GPC6: variants seen among roughly 807,000 people sequenced by gnomAD.
GPC6 encodes glypican 6, also known as glypican-6.
A neutral mutation model predicts 55.2 loss-of-function variants in GPC6; 14 were observed. The ratio of observed to expected loss-of-function variants is 0.25; its 90% CI spans 0.17 to 0.40. The LOEUF is 0.40. Among genes scored for constraint, GPC6 ranks in the 10% least tolerant of loss-of-function variants. The probability of loss-of-function intolerance (pLI) is 1.00; values close to 1 mark genes in which losing one functional copy is unlikely to be tolerated. For missense variants in GPC6, 641 were observed against 708.5 expected (o/e 0.90, Z 1.08); for synonymous variants, 278 against 259.6 (o/e 1.07, Z -0.68).
chr13:93,898,616 T>C (rs1876154531), intron 3 of GPC6, among the ~76,000 whole-genome samples: 1 of 148,596 alleles, frequency 6.7e-6, no homozygotes, highest in Non-Finnish European at 1.5e-5. Context: ...ATATAATTTT[T>C]CCAAGTAACC....
intron 3 of GPC6, among the ~76,000 whole-genome samples, chr13:93,949,397 A>G (rs1879151646): frequency 1.3e-5 from 2 of 152,184 alleles, no homozygotes; most frequent in Non-Finnish European, 2.9e-5. Context: ...TGTGTGTTTA[A>G]TTATGGTTGA....
intron 3 of GPC6, among the ~76,000 whole-genome samples, chr13:93,912,676 G>A (rs1877065417): frequency 1.3e-5 from 2 of 152,282 alleles, no homozygotes; most frequent in South Asian, 4.1e-4. Flanking sequence ...CCAGGAGGCA[G>A]AGCTTGCAGT....
chr13:93,430,873 C>A (rs1877331371), intron 1 of GPC6, among the ~76,000 whole-genome samples: 1 of 152,046 alleles, frequency 6.6e-6, no homozygotes, highest in African/African-American at 2.4e-5. Context: ...TGACAGGAAG[C>A]AATTTTAAAC....
upstream of GPC6, among the ~76,000 whole-genome samples, chr13:93,223,083 A>T (rs1875664800): frequency 7.7e-6 from 1 of 129,056 alleles, no homozygotes; most frequent in Non-Finnish European, 1.6e-5. Context: ...TGGGTCTTAC[A>T]CCCACCCCTA....
chr13:93,744,120 A>T (rs1476619186), intron 2 of GPC6, among the ~76,000 whole-genome samples: 2 of 152,016 alleles, frequency 1.3e-5, no homozygotes, highest in Non-Finnish European at 2.9e-5. Context: ...GTTTTTGCCA[A>T]TGTGTTTGTC....
intron 2 of GPC6, among the ~76,000 whole-genome samples, chr13:93,669,983 T>A (rs1881295273): frequency 1.3e-5 from 2 of 152,212 alleles, no homozygotes; most frequent in South Asian, 4.1e-4. Flanking sequence ...GGGTTGTGGT[T>A]ACCTGATTTG....
At chr13:94,096,267 C>G (rs1301132712) in intron 4 of GPC6, among the ~76,000 whole-genome samples, 4 of 150,292 alleles carry the variant, frequency 2.7e-5, no homozygotes, top group African/African-American at 9.8e-5. Flanking sequence ...AGAGAAGGGA[C>G]TACATTACTG....
Position 93,265,574 on chromosome 13 carries a change from G to A in GPC6, c.160+37958G>A, listed in dbSNP as rs535773669. ...GTTTAGACTTGTGTCCCATCCCCAA[G>A]ATATCTCATTAAGCATATGCAAATA... On this transcript the variant is annotated intron_variant, in intron 1 of 8. Transcript: ENST00000377047. 1.1e-4 allele frequency among the ~76,000 whole-genome samples: 16 copies of A among 152,188 alleles called. No homozygotes were observed. The South Asian group carries it at 2.9e-3, about 28-fold the overall frequency.
At chr13:93,643,933 C>A (rs1324898474) in intron 2 of GPC6, among the ~76,000 whole-genome samples, 1 of 152,176 alleles carries the variant, frequency 6.6e-6, no homozygotes, top group East Asian at 1.9e-4. Flanking sequence ...AATACATCAT[C>A]ATTTTTCCTG....
chr13:93,588,137 G>A lies in GPC6; in HGVS notation c.319+42716G>A, dbSNP rs151318009. On this transcript the variant is annotated intron_variant, in intron 2 of 8. Coordinates refer to ENST00000377047, the MANE Select transcript of GPC6 (RefSeq NM_005708.5). ...AGAGATTGTTTCACATTATGGTATG[G>A]AGTCATTGACCACTTCTTCGTTTTC... Among the ~76,000 whole-genome samples, 9 of 152,256 alleles carry A rather than the reference G, an allele frequency of 5.9e-5. No homozygotes were observed. The East Asian group carries it at 1.7e-3, about 29-fold the overall frequency.
At position 93,798,716 on chromosome 13, in the gene GPC6, C is replaced by T. The variant is rs560480397; in HGVS notation, c.320-31438C>T. ...GGCAGATCACCTGAGGTCAGAAGTT[C>T]GAGATCAGCCTGGCTAACATGGTGA... On this transcript the variant is annotated intron_variant, in intron 2 of 8. Transcript: ENST00000377047. 5.3e-5 allele frequency among the ~76,000 whole-genome samples: 8 copies of T among 152,010 alleles called. No individual in the cohort carries two copies. In the South Asian group the frequency reaches 1.0e-3, roughly 20 times the overall value.
At chr13:94,073,838 A>G (rs1269802054) in intron 4 of GPC6, among the ~76,000 whole-genome samples, 1 of 150,802 alleles carries the variant, frequency 6.6e-6, no homozygotes, top group Non-Finnish European at 1.5e-5. Flanking sequence ...TAACAACAAC[A>G]ACAAAAAATG....
intron 2 of GPC6, among the ~76,000 whole-genome samples, chr13:93,734,593 C>A (rs1051403496): frequency 2.0e-5 from 3 of 151,856 alleles, no homozygotes; most frequent in Non-Finnish European, 4.4e-5. Context: ...ACATTTTTAC[C>A]AACTTATTAG....
intron 4 of GPC6, among the ~76,000 whole-genome samples, chr13:94,047,734 A>C (rs1354860378): frequency 6.6e-6 from 1 of 152,166 alleles, no homozygotes; most frequent in Admixed American, 6.6e-5. Context: ...AAGCCTCTTT[A>C]AATTACCAAA....
At chr13:93,565,934 C>CAA (rs35217779) in intron 2 of GPC6, among the ~76,000 whole-genome samples, 187 of 134,822 alleles carry the variant, frequency 1.4e-3, no homozygotes, top group South Asian at 2.3e-3. Context: ...AACAAACAAA[C>CAA]AAAAAAAAAA....
Position 93,363,001 on chromosome 13 carries a change from T to A in GPC6, c.160+135385T>A, listed in dbSNP as rs1323978. 7.8e-3 allele frequency among the ~76,000 whole-genome samples: 1,192 copies of A among 152,214 alleles called. 17 individuals carry two copies. The highest frequency in any genetic ancestry group is 0.028 in the African/African-American group (1,150 of 41,562). The stretch of plus-strand genomic sequence containing the variant: ...CAGTCTGAATTCAACATTATACTGA[T>A]GAACGACTATTTTTTAAATGGCTGC... On this transcript the variant is annotated intron_variant, in intron 1 of 8. Transcript: ENST00000377047.
intron 1 of GPC6, among the ~76,000 whole-genome samples, chr13:93,331,290 T>C (rs1879834832): frequency 6.6e-6 from 1 of 152,140 alleles, no homozygotes; most frequent in Non-Finnish European, 1.5e-5. Context: ...TCGAAAGGAA[T>C]TGTACTTATC....
At chr13:94,184,687 C>T (rs1265932656) in intron 4 of GPC6, among the ~76,000 whole-genome samples, 4 of 152,056 alleles carry the variant, frequency 2.6e-5, no homozygotes, top group South Asian at 2.1e-4. Context: ...TATACACTGT[C>T]GGTGGGAATG....
intron 2 of GPC6, among the ~76,000 whole-genome samples, chr13:93,625,669 T>C (rs1022763883): frequency 6.6e-6 from 1 of 152,202 alleles, no homozygotes; most frequent in African/African-American, 2.4e-5. Flanking sequence ...TCCCTCCTTC[T>C]ACCTCTTTTC....
Sources: allele counts gnomAD v4.1 joint callset (sites outside exome capture counted in the v4.1 genomes callset), GRCh38; gene constraint gnomAD v4.1.1; transcripts MANE v1.5; gene names NCBI Gene and HGNC (gene_info 2026-07-23, HGNC 2026-07-21).